The following TACC3 variants were observed in gnomAD, a reference collection of about 807,000 sequenced individuals.
The protein encoded by TACC3 is transforming acidic coiled-coil containing protein 3.
TACC3 carries 52 observed loss-of-function variants against 86.0 expected under a neutral mutation model. The ratio of observed to expected loss-of-function variants is 0.60; its 90% CI spans 0.48 to 0.76. TACC3 has a LOEUF of 0.76. Ranked by LOEUF, TACC3 falls within the 30% of genes least tolerant of loss-of-function variation. The probability of loss-of-function intolerance (pLI) is 0.00; values close to 1 mark genes in which losing one functional copy is unlikely to be tolerated. For missense variants in TACC3, 1,120 were observed against 1,070.4 expected, an observed-to-expected ratio of 1.05 and a Z score of -0.65; for synonymous variants, 512 against 430.0, an observed-to-expected ratio of 1.19 and a Z score of -2.36.
chr4:1,745,014 C>A lies in TACC3; in HGVS notation c.*1C>A, dbSNP rs999589670. Reference sequence around the variant, plus strand: ...CATCTCCAAGATGGAGAAGATCTGACCTCCACGGAGCCGCTGTCCCCGCCC... The same window carrying A: ...CATCTCCAAGATGGAGAAGATCTGAACTCCACGGAGCCGCTGTCCCCGCCC... On this transcript the variant is annotated 3_prime_UTR_variant, in exon 16 of 16. Transcript: ENST00000313288. 4 of 1,605,364 alleles carry A rather than the reference C, an allele frequency of 2.5e-6. No individual in the cohort carries two copies. The Middle Eastern group carries it at 6.6e-4, about 265-fold the overall frequency.
chr4:1,720,839 G>A (rs767078157), upstream of TACC3: 1 of 1,573,132 alleles, frequency 6.4e-7, no homozygotes, highest in East Asian at 2.4e-5. The surrounding 1 kb of genome is among the most constrained non-coding windows in gnomAD (Gnocchi z 4.4). Flanking sequence ...GCTGTCCATC[G>A]CGCAGCCGCC....
intron 10 of TACC3, 159 bp from the exon 11 acceptor site, chr4:1,739,543 G>C (rs548788065): frequency 4.4e-6 from 3 of 678,184 alleles, no homozygotes; most frequent in East Asian, 2.8e-5. Flanking sequence ...CCTTGGCCTC[G>C]ACAGGGTTCC....
At chr4:1,733,295 T>A (rs1256615609) in intron 6 of TACC3, among the ~76,000 whole-genome samples, 1 of 152,204 alleles carries the variant, frequency 6.6e-6, no homozygotes, top group Non-Finnish European at 1.5e-5. Flanking sequence ...GGTAAATCCC[T>A]TTTATTCAAG....
chr4:1,736,032 C>T (rs1342085258), intron 8 of TACC3, among the ~76,000 whole-genome samples, 198 bp downstream of exon 8: 2 of 152,354 alleles, frequency 1.3e-5, no homozygotes, highest in Non-Finnish European at 2.9e-5. Context: ...CGGCAGCCTA[C>T]CCTCCAGCCA....
chr4:1,731,718 C>G (rs1718016921), intron 6 of TACC3, among the ~76,000 whole-genome samples: 1 of 152,168 alleles, frequency 6.6e-6, no homozygotes, highest in Non-Finnish European at 1.5e-5. Flanking sequence ...TCAATGCAAC[C>G]TCCACTTCCC....
chr4:1,744,118 A>G (rs1718727325), intron 13 of TACC3, among the ~76,000 whole-genome samples: 1 of 152,078 alleles, frequency 6.6e-6, no homozygotes, highest in Non-Finnish European at 1.5e-5. Context: ...TGTCTGGGTA[A>G]CCATGTGGCT....
In TACC3 at chr4:1,740,929, C is replaced by T; in HGVS notation, c.2166C>T (p.Phe722=). ...TTDLNSMEKS[F]SDLFKRFEKQ... ...ATCTGAACTCCATGGAGAAGTCCTT[C>T]TCCGACCTCTTCAAGCGTTTTGAGA... The change falls in exon 13 of 16, where the codon TTC becomes TTT. Residue 722 remains phenylalanine, a synonymous_variant. Transcript: ENST00000313288. 6.2e-7 allele frequency: 1 copy of T among 1,612,838 alleles called. No homozygotes were observed. Among genetic ancestry groups the T allele is most frequent in the Middle Eastern group, 1.7e-4 (1 of 6,060 alleles).
chr4:1,731,387 C>T (rs879231590), intron 6 of TACC3, 86 bp downstream of exon 6: 40 of 1,483,392 alleles, frequency 2.7e-5, no homozygotes, highest in Middle Eastern at 2.4e-4. Context: ...CCTGCATCAT[C>T]GGCAGGTGGT....
At chr4:1,721,794 G>A (rs966113875) in intron 1 of TACC3, 151 bp downstream of exon 1, 19 of 152,216 alleles carry the variant, frequency 1.2e-4, no homozygotes, top group African/African-American at 4.3e-4. Flanking sequence ...GCCGCCGCCA[G>A]AACCTGTACC....
intron 6 of TACC3, among the ~76,000 whole-genome samples, chr4:1,734,387 C>A (rs190833216): frequency 1.2e-3 from 182 of 152,282 alleles, no homozygotes; most frequent in African/African-American, 4.2e-3. Context: ...AGGGTTTCCC[C>A]ATGTTGGCCA....
intron 13 of TACC3, 111 bp from the exon 14 acceptor site, chr4:1,744,407 C>G (rs1214262689): frequency 2.2e-5 from 22 of 990,898 alleles, no homozygotes; most frequent in Middle Eastern, 2.9e-4. Context: ...GCTACTGGCT[C>G]ACGGCTGATG....
chr4:1,744,981 G>C lies in TACC3; in HGVS notation c.2485G>C (p.Asp829His). 1 of 1,611,032 alleles carries C rather than the reference G, an allele frequency of 6.2e-7. No homozygotes were observed. The highest frequency in any genetic ancestry group is 8.5e-7 in the Non-Finnish European group (1 of 1,179,194). The stretch of plus-strand genomic sequence containing the variant: ...GAACGAGGAGCTGACCAGGATCTGC[G>C]ACGACCTCATCTCCAAGATGGAGAA... ...KENEELTRIC[D>H]DLISKMEKI The change falls in exon 16 of 16, where the codon GAC becomes CAC. Residue 829 changes from aspartate (D) to histidine (H), a missense_variant. Coordinates refer to ENST00000313288, the MANE Select transcript of TACC3 (RefSeq NM_006342.3).
chr4:1,741,276 A>G (rs1718587315), intron 13 of TACC3: 1 of 280,122 alleles, frequency 3.6e-6, no homozygotes, highest in Non-Finnish European at 6.7e-6. Flanking sequence ...GAGATTTGAG[A>G]CAGCGCTGGT....
At chr4:1,730,199 C>T (rs577817364) in intron 4 of TACC3, among the ~76,000 whole-genome samples, 9 of 152,108 alleles carry the variant, frequency 5.9e-5, no homozygotes, top group Non-Finnish European at 7.3e-5. Flanking sequence ...CCACCATGCC[C>T]GGCTAATTTT....
Position 1,735,480 on chromosome 4 carries a change from G to C in TACC3, c.1644+155G>C, listed in dbSNP as rs1394504912. Among the ~76,000 whole-genome samples, 1 of 152,198 alleles carries C rather than the reference G, an allele frequency of 6.6e-6. No homozygotes were observed. The highest frequency in any genetic ancestry group is 1.5e-5 in the Non-Finnish European group (1 of 68,024). On this transcript the variant is annotated intron_variant, in intron 7 of 15. Transcript: ENST00000313288. The surrounding 1 kb of genome is among the most constrained non-coding windows in gnomAD (Gnocchi z 4.2). ...GGGCTGTGAATCCAGGGCCCCTTCT[G>C]CAGCACCTCCTCTAAGTGGTGTCCT... is the stretch of plus-strand genomic sequence containing the variant.
intron 14 of TACC3, 30 bp downstream of exon 14, chr4:1,744,654 G>C: frequency 6.2e-7 from 1 of 1,612,398 alleles, no homozygotes; most frequent in South Asian, 1.1e-5. Flanking sequence ...CCACCCTGGA[G>C]GGAGAATCTG....
Position 1,733,444 on chromosome 4 carries a change from G to A in TACC3, c.1592-1829G>A, listed in dbSNP as rs540257543. On this transcript the variant is annotated intron_variant, in intron 6 of 15. Transcript: ENST00000313288. ...GCCGAGGCAGGATTGTTTGAGCCCT[G>A]TAGTTTGAGACTAACCTGGGCAACA... 1.4e-3 allele frequency among the ~76,000 whole-genome samples: 218 copies of A among 152,270 alleles called. 8 individuals carry two copies. Among genetic ancestry groups the A allele is most frequent in the South Asian group, 2.7e-3 (13 of 4,828 alleles).
chr4:1,723,169 C>T (rs1301070985), intron 1 of TACC3: 8 of 527,008 alleles, frequency 1.5e-5, no homozygotes, highest in Admixed American at 1.1e-4. Context: ...CCCTTTAGCT[C>T]TTGGTCCCAG....
At chr4:1,739,342 TACTG>T (rs1718448083) in intron 10 of TACC3, 1 of 280,046 alleles carries the variant, frequency 3.6e-6, no homozygotes, top group Non-Finnish European at 6.7e-6. Context: ...CATACTGACT[TACTG>T]ATTCTTTGAA....
Sources: allele counts gnomAD v4.1 joint callset (sites outside exome capture counted in the v4.1 genomes callset), GRCh38; gene constraint gnomAD v4.1.1; non-coding constraint Gnocchi (gnomAD v3.1); transcripts MANE v1.5; gene names NCBI Gene and HGNC (gene_info 2026-07-23, HGNC 2026-07-21).